The following KAT14 variants were observed in gnomAD, a reference collection of about 807,000 sequenced individuals.
KAT14 encodes lysine acetyltransferase 14.
In KAT14, 66 loss-of-function variants were observed where a neutral mutation model predicts 78.4. The observed-to-expected ratio is 0.84, with a 90% CI of 0.69 to 1.03. KAT14 has a LOEUF of 1.03. KAT14 is among the 50% of genes least tolerant of loss of function. The pLI, the probability that KAT14 is intolerant of heterozygous loss-of-function variation, is 0.00. For missense variants in KAT14, 870 were observed against 972.5 expected, an observed-to-expected ratio of 0.89 and a Z score of 1.40; for synonymous variants, 344 against 359.4, an observed-to-expected ratio of 0.96 and a Z score of 0.48.
intron 7 of KAT14, among the ~76,000 whole-genome samples, chr20:18,180,369 C>T (rs1369844169): frequency 6.6e-6 from 1 of 152,282 alleles, no homozygotes; most frequent in African/African-American, 2.4e-5. Context: ...CAGCCTGGAC[C>T]TTATTGTTCA....
At chr20:18,137,862 C>G, upstream of KAT14, 2 of 1,262,486 alleles carry the variant, frequency 1.6e-6, no homozygotes, top group Non-Finnish European at 2.0e-6. Flanking sequence ...CTCGAGGGGT[C>G]GAGCCTGGGC....
intron 5 of KAT14, among the ~76,000 whole-genome samples, chr20:18,161,125 G>A (rs992477976): frequency 1.3e-5 from 2 of 148,518 alleles, no homozygotes; most frequent in Non-Finnish European, 3.0e-5. Context: ...AGTGAGCCGA[G>A]ATCACACCAC....
intron 7 of KAT14, among the ~76,000 whole-genome samples, chr20:18,173,044 G>A (rs1057188020): frequency 6.6e-6 from 1 of 152,198 alleles, no homozygotes; most frequent in Non-Finnish European, 1.5e-5. Context: ...GTTAGGCTCT[G>A]ATTAAATCCC....
intron 4 of KAT14, among the ~76,000 whole-genome samples, chr20:18,153,343 C>T (rs1481785731): frequency 2.0e-5 from 3 of 152,058 alleles, no homozygotes; most frequent in South Asian, 2.1e-4. Context: ...AGAAAAGAAT[C>T]GACACTATAA....
In KAT14 at chr20:18,178,785, A is replaced by G. The variant is rs554529956; in HGVS notation, c.1669-2925A>G. Reference sequence around the variant, plus strand: ...GCCTCTCCAAATCTCATGCCCTCACACTAAAAAACCAATCATGCCTTCCCA... The same window carrying G: ...GCCTCTCCAAATCTCATGCCCTCACGCTAAAAAACCAATCATGCCTTCCCA... On this transcript the variant is annotated intron_variant, in intron 7 of 10. Coordinates refer to ENST00000688188, the MANE Select transcript of KAT14 (RefSeq NM_001392073.1). 2.0e-5 allele frequency among the ~76,000 whole-genome samples: 3 copies of G among 152,174 alleles called. No individual in the cohort carries two copies. In the South Asian group the frequency reaches 6.2e-4, roughly 32 times the overall value.
intron 10 of KAT14, among the ~76,000 whole-genome samples, chr20:18,186,156 G>C (rs1158210252): frequency 6.6e-6 from 1 of 152,140 alleles, no homozygotes; most frequent in Admixed American, 6.5e-5. Flanking sequence ...ATGAGGGCTG[G>C]TACAGAGTCA....
rs1383004396 is a variant in KAT14, at chr20:18,150,866, C to A, written c.424C>A (p.Arg142Ser). Residue 142 changes from arginine (R) to serine (S), a missense_variant, in exon 4 of 11, where the codon CGT (arginine) becomes AGT (serine). Transcript: ENST00000688188. ...MYNLSLEGSG[R>S]QGYFRWKEDI... ...CAACTTGTCTCTGGAAGGAAGTGGACGTCAAGGTTATTTCAGGTGGAAAGA... is the reference window on the plus strand; with the variant it reads ...CAACTTGTCTCTGGAAGGAAGTGGAAGTCAAGGTTATTTCAGGTGGAAAGA... 1 of 1,613,912 alleles carries A rather than the reference C, an allele frequency of 6.2e-7. No homozygotes were observed. Among genetic ancestry groups the A allele is most frequent in the Non-Finnish European group, 8.5e-7 (1 of 1,180,018 alleles).
At chr20:18,156,089 T>C (rs2038215272) in intron 4 of KAT14, among the ~76,000 whole-genome samples, 1 of 152,164 alleles carries the variant, frequency 6.6e-6, no homozygotes, top group Non-Finnish European at 1.5e-5. Context: ...CATGCTGCAG[T>C]GTAGATGAAC....
chr20:18,169,123 G>T (rs1303445188), intron 7 of KAT14, among the ~76,000 whole-genome samples: 1 of 151,798 alleles, frequency 6.6e-6, no homozygotes, highest in Non-Finnish European at 1.5e-5. Context: ...CTTTATATTG[G>T]TTACAGTGTT....
Position 18,142,900 on chromosome 20 carries a change from C to T in KAT14, c.240C>T (p.Cys80=), listed in dbSNP as rs749104372. Residue 80 remains cysteine, a synonymous_variant, in exon 2 of 11, where the codon TGC becomes TGT. Transcript: ENST00000688188. ...AGCTGTCCTACTTCTGTGACAAGTG[C>T]CAAAAATGGATACCAGCCAGTAAGG... is the stretch of plus-strand genomic sequence containing the variant. ...EEQLSYFCDK[C]QKWIPASQLR... The T allele has an allele frequency of 1.2e-6, 2 of 1,613,884 alleles. No individual in the cohort carries two copies. The highest frequency in any genetic ancestry group is 2.2e-5 in the South Asian group (2 of 91,068).
At chr20:18,138,783 T>G (rs774997687) in intron 1 of KAT14, among the ~76,000 whole-genome samples, 3 of 152,222 alleles carry the variant, frequency 2.0e-5, no homozygotes, top group Non-Finnish European at 2.9e-5. Flanking sequence ...CATATTTTCT[T>G]TCTTATTCAA....
At chr20:18,159,743 A>T (rs1335686685) in intron 5 of KAT14, among the ~76,000 whole-genome samples, 1 of 152,168 alleles carries the variant, frequency 6.6e-6, no homozygotes, top group Non-Finnish European at 1.5e-5. Flanking sequence ...TAAATATCTT[A>T]GTATGTATCT....
chr20:18,183,042 A>C (rs1383647794), intron 8 of KAT14, 81 bp from the exon 9 acceptor site: 3 of 1,509,180 alleles, frequency 2.0e-6, no homozygotes, highest in Non-Finnish European at 8.9e-7. Flanking sequence ...CAGATCAAAG[A>C]GTTTATATGA....
At position 18,151,044 on chromosome 20, in the gene KAT14, A is replaced by C; in HGVS notation, c.500+102A>C. On this transcript the variant is annotated intron_variant, in intron 4 of 10. Coordinates refer to ENST00000688188, the MANE Select transcript of KAT14 (RefSeq NM_001392073.1). ...TGTAGACTTGTTAGAGATTTATTTT[A>C]ATTTTTTTGAGATAGAGTCTCCCAG... The C allele has an allele frequency of 2.7e-6, 4 of 1,461,856 alleles. No individual in the cohort carries two copies. The East Asian group carries it at 9.4e-5, about 34-fold the overall frequency. 90.6% of individuals were successfully genotyped at this position (1,461,856 alleles called of 1,614,324 possible). A position where few individuals can be genotyped will look rare whatever the true frequency, so the allele number is the denominator to read the frequency against.
chr20:18,155,003 A>G (rs986581129), intron 4 of KAT14, among the ~76,000 whole-genome samples: 1 of 152,198 alleles, frequency 6.6e-6, no homozygotes, highest in African/African-American at 2.4e-5. Flanking sequence ...TGTTTCTACA[A>G]TGGTACATAA....
intron 7 of KAT14, among the ~76,000 whole-genome samples, chr20:18,175,503 G>T (rs1358948920): frequency 1.3e-5 from 2 of 152,086 alleles, no homozygotes; most frequent in Non-Finnish European, 2.9e-5. Flanking sequence ...GCCACCTGTC[G>T]CCTCCCCGGG....
chr20:18,139,702 T>G, intron 1 of KAT14, among the ~76,000 whole-genome samples: 1 of 151,724 alleles, frequency 6.6e-6, no homozygotes, highest in East Asian at 1.9e-4. Flanking sequence ...TATGTCCGGT[T>G]CTTCATTAGG....
chr20:18,156,738 C>T (rs879487447), intron 4 of KAT14, among the ~76,000 whole-genome samples: 3 of 152,104 alleles, frequency 2.0e-5, no homozygotes, highest in Admixed American at 2.0e-4. Context: ...GACGTTCTCC[C>T]TGTGTCTTCA....
chr20:18,183,381 C>T, intron 9 of KAT14, 83 bp downstream of exon 9: 1 of 1,431,594 alleles, frequency 7.0e-7, no homozygotes. Flanking sequence ...TATGTGATAT[C>T]CTTAAGATTT....
Sources: gnomAD v4.1 joint callset for allele counts (sites outside exome capture counted in the v4.1 genomes callset) on GRCh38, gnomAD v4.1.1 for gene constraint, MANE v1.5 for transcripts, NCBI Gene and HGNC (gene_info 2026-07-23, HGNC 2026-07-21) for gene names.